Variants in ENOX1 observed in about 807,000 individuals in gnomAD.
ENOX1 encodes ecto-NOX disulfide-thiol exchanger 1, also known as candidate growth-related and time keeping constitutive hydroquinone (NADH) oxidase.
Under a neutral mutation model 82.5 loss-of-function variants are expected in ENOX1, and 42 were observed. That is an observed-to-expected ratio of 0.51 (90% CI 0.40 to 0.66). The LOEUF (loss-of-function observed/expected upper bound fraction) is 0.66, where lower values mean the gene tolerates loss of function less well. ENOX1 is among the 30% of genes least tolerant of loss of function. ENOX1 has a pLI of 0.00. For missense variants in ENOX1, 608 were observed against 811.6 expected (o/e 0.75, Z 3.05); for synonymous variants, 271 against 282.2 (o/e 0.96, Z 0.40).
chr13:43,556,451 T>G (rs1383743509), intron 2 of ENOX1, among the ~76,000 whole-genome samples: 1 of 152,176 alleles, frequency 6.6e-6, no homozygotes, highest in Non-Finnish European at 1.5e-5. Flanking sequence ...AAAATAGGTT[T>G]TTTTCTTATA....
At chr13:43,742,160 A>C (rs568304699) in intron 1 of ENOX1, among the ~76,000 whole-genome samples, 11 of 152,282 alleles carry the variant, frequency 7.2e-5, no homozygotes, top group African/African-American at 2.6e-4. Context: ...CTTGCCAGAG[A>C]AAAGGAACCA....
chr13:43,670,208 G>A (rs774093311), intron 1 of ENOX1, among the ~76,000 whole-genome samples: 2 of 152,088 alleles, frequency 1.3e-5, no homozygotes, highest in African/African-American at 2.4e-5. Context: ...AATATATGAA[G>A]ATTATCGTAA....
chr13:43,366,141 C>T (rs906621646), intron 5 of ENOX1, among the ~76,000 whole-genome samples: 1 of 152,154 alleles, frequency 6.6e-6, no homozygotes, highest in African/African-American at 2.4e-5. Context: ...TAAAGTAATG[C>T]TCTTTTTCAT....
At chr13:43,347,578 C>T (rs1370397075) in intron 8 of ENOX1, among the ~76,000 whole-genome samples, 1 of 152,172 alleles carries the variant, frequency 6.6e-6, no homozygotes, top group Non-Finnish European at 1.5e-5. Context: ...TGGATGGCTA[C>T]AGGAGGATAT....
chr13:43,358,144 T>A (rs557955674), intron 7 of ENOX1, among the ~76,000 whole-genome samples: 1 of 152,344 alleles, frequency 6.6e-6, no homozygotes, highest in South Asian at 2.1e-4. Flanking sequence ...ACCTTTCATA[T>A]GCCTAAATTT....
At chr13:43,553,934 A>G (rs964657844) in intron 2 of ENOX1, among the ~76,000 whole-genome samples, 3 of 152,092 alleles carry the variant, frequency 2.0e-5, no homozygotes, top group African/African-American at 4.8e-5. Flanking sequence ...TTTTTAGTAG[A>G]GACGGGATTT....
intron 15 of ENOX1, among the ~76,000 whole-genome samples, chr13:43,233,324 A>G (rs1240453082): frequency 6.6e-6 from 1 of 152,232 alleles, no homozygotes; most frequent in African/African-American, 2.4e-5. Context: ...GAATTGGAAG[A>G]CCCATTAATT....
At chr13:43,669,649 C>T (rs1244331500) in intron 1 of ENOX1, among the ~76,000 whole-genome samples, 1 of 152,080 alleles carries the variant, frequency 6.6e-6, no homozygotes, top group African/African-American at 2.4e-5. Flanking sequence ...CCTCTTCTAT[C>T]CTCTCTTTTC....
Position 43,405,726 on chromosome 13 carries a change from C to T in ENOX1, c.208+6190G>A, listed in dbSNP as rs572514890. Among the ~76,000 whole-genome samples, 13 of 152,330 alleles carry T rather than the reference C, an allele frequency of 8.5e-5. No homozygotes were observed. The South Asian group carries it at 2.5e-3, about 29-fold the overall frequency. ...CTCCATCTGTACTGCTCAGGATAATCGCTGGCATTACTGCCATCACTGTCT... is the reference window on the plus strand; with the variant it reads ...CTCCATCTGTACTGCTCAGGATAATTGCTGGCATTACTGCCATCACTGTCT... On this transcript the variant is annotated intron_variant, in intron 5 of 16. Coordinates refer to ENST00000690772, the MANE Select transcript of ENOX1 (RefSeq NM_001347969.2).
intron 2 of ENOX1, among the ~76,000 whole-genome samples, chr13:43,600,862 G>A (rs2081680764): frequency 6.6e-6 from 1 of 152,252 alleles, no homozygotes; most frequent in Admixed American, 6.5e-5. Flanking sequence ...GAAAGTAAGG[G>A]AAGAGAAGAA....
At chr13:43,405,865 C>T (rs1472210089) in intron 5 of ENOX1, among the ~76,000 whole-genome samples, 1 of 152,218 alleles carries the variant, frequency 6.6e-6, no homozygotes, top group Non-Finnish European at 1.5e-5. Flanking sequence ...TACTCCCCTG[C>T]TTAACTTTCT....
intron 3 of ENOX1, among the ~76,000 whole-genome samples, chr13:43,438,997 T>C (rs1239454280): frequency 6.6e-6 from 1 of 152,074 alleles, no homozygotes; most frequent in African/African-American, 2.4e-5. Flanking sequence ...AACAGTGTAT[T>C]ATTGTGTGAG....
chr13:43,278,027 A>G (rs1188187881), intron 12 of ENOX1, among the ~76,000 whole-genome samples: 4 of 152,186 alleles, frequency 2.6e-5, no homozygotes, highest in South Asian at 2.1e-4. Flanking sequence ...TACAAAATGT[A>G]AAAACAATAA....
intron 2 of ENOX1, among the ~76,000 whole-genome samples, chr13:43,612,076 T>C (rs541354656): frequency 5.9e-5 from 9 of 152,294 alleles, no homozygotes; most frequent in African/African-American, 2.2e-4. Flanking sequence ...AAAGAGTTCC[T>C]GGTAATTTGT....
At chr13:43,371,994 A>G (rs1044585424) in intron 5 of ENOX1, among the ~76,000 whole-genome samples, 1 of 152,238 alleles carries the variant, frequency 6.6e-6, no homozygotes, top group Non-Finnish European at 1.5e-5. Context: ...TCAGGGTCCA[A>G]CATGGCTCTT....
chr13:43,757,974 C>T (rs942018719), intron 1 of ENOX1, among the ~76,000 whole-genome samples: 5 of 152,098 alleles, frequency 3.3e-5, no homozygotes, highest in Non-Finnish European at 7.4e-5. Flanking sequence ...GTGGGTCACG[C>T]CTGTAATCCC....
intron 12 of ENOX1, among the ~76,000 whole-genome samples, chr13:43,283,316 GC>G (rs1311689648): frequency 6.6e-6 from 1 of 151,790 alleles, no homozygotes; most frequent in African/African-American, 2.4e-5. Flanking sequence ...GATACATGTT[GC>G]CAAAGATTTT....
intron 11 of ENOX1, among the ~76,000 whole-genome samples, chr13:43,299,484 T>TA (rs2046455395): frequency 6.6e-6 from 1 of 152,284 alleles, no homozygotes; most frequent in Non-Finnish European, 1.5e-5. Flanking sequence ...GTGCTGGTCT[T>TA]ATGCTCATCT....
intron 3 of ENOX1, among the ~76,000 whole-genome samples, chr13:43,456,966 C>T (rs1255739856): frequency 2.3e-5 from 2 of 87,624 alleles, no homozygotes; most frequent in Non-Finnish European, 4.7e-5. Context: ...TGATATCTCA[C>T]ATTCAGTAGC....
Sources: gnomAD v4.1 joint callset for allele counts (sites outside exome capture counted in the v4.1 genomes callset) on GRCh38, gnomAD v4.1.1 for gene constraint, MANE v1.5 for transcripts, NCBI Gene and HGNC (gene_info 2026-07-23, HGNC 2026-07-21) for gene names.